The following BACE2 variants were observed in gnomAD, a reference collection of about 807,000 sequenced individuals.
BACE2 encodes 56 kDa aspartic-like protease.
In BACE2, 17 loss-of-function variants were observed where a neutral mutation model predicts 46.2. The observed-to-expected ratio is 0.37, with a 90% CI of 0.25 to 0.55. BACE2 has a LOEUF of 0.55. Ranked by LOEUF, BACE2 falls within the 20% of genes least tolerant of loss-of-function variation. The pLI is 0.82. For missense variants in BACE2, 595 were observed against 698.1 expected (o/e 0.85, Z 1.66); for synonymous variants, 277 against 295.9 (o/e 0.94, Z 0.66).
chr21:41,268,106 C>G (rs1015168671), intron 8 of BACE2, among the ~76,000 whole-genome samples: 3 of 152,212 alleles, frequency 2.0e-5, no homozygotes, highest in African/African-American at 4.8e-5. Flanking sequence ...CGGACACTTA[C>G]GTAGCACCGA....
rs192043916 is a variant in BACE2 at position 41,278,233 on chromosome 21, G to A, written c.*2609G>A. ...CAAGTCTGATGGGAAATGAATAGAT[G>A]CTGCTTTATTTCCTTGATAACTTCT... On this transcript the variant is annotated 3_prime_UTR_variant, in exon 9 of 9. Coordinates refer to ENST00000330333, the MANE Select transcript of BACE2 (RefSeq NM_012105.5). The A allele has an allele frequency of 1.3e-5, 2 of 152,332 alleles. No individual in the cohort carries two copies. The highest frequency in any genetic ancestry group is 4.8e-5 in the African/African-American group (2 of 41,574). 9.4% of individuals were successfully genotyped at this position (152,332 alleles called of 1,614,324 possible). A position where few individuals can be genotyped will look rare whatever the true frequency, so the allele number is the denominator to read the frequency against.
intron 1 of BACE2, among the ~76,000 whole-genome samples, chr21:41,204,337 G>A (rs939397509): frequency 6.6e-6 from 1 of 152,114 alleles, no homozygotes; most frequent in Non-Finnish European, 1.5e-5. Context: ...CACTGCGCCC[G>A]GCCAAGAGTT....
intron 2 of BACE2, among the ~76,000 whole-genome samples, chr21:41,236,116 A>G (rs1334244417): frequency 6.6e-6 from 1 of 152,252 alleles, no homozygotes; most frequent in Non-Finnish European, 1.5e-5. Flanking sequence ...GTTTGAGTTC[A>G]TAGACATTTG....
intron 8 of BACE2, among the ~76,000 whole-genome samples, chr21:41,268,035 A>G (rs1305719546): frequency 2.0e-5 from 3 of 152,228 alleles, no homozygotes; most frequent in Non-Finnish European, 4.4e-5. Context: ...GAGAAAATAC[A>G]CAATTAAAAT....
chr21:41,239,888 A>G (rs1568882029), intron 3 of BACE2, among the ~76,000 whole-genome samples: 1 of 152,234 alleles, frequency 6.6e-6, no homozygotes, highest in Non-Finnish European at 1.5e-5. Flanking sequence ...GAAATGAAAG[A>G]TGTATATGAC....
intron 8 of BACE2, 25 bp downstream of exon 8, chr21:41,257,351 G>A (rs1372318051): frequency 6.2e-7 from 1 of 1,609,442 alleles, no homozygotes. Context: ...CATCGAACAG[G>A]GATCCCCGAC....
At chr21:41,259,426 A>G (rs1987872152) in intron 8 of BACE2, among the ~76,000 whole-genome samples, 1 of 148,184 alleles carries the variant, frequency 6.7e-6, no homozygotes, top group African/African-American at 2.4e-5. Context: ...TAAATGGAAT[A>G]GCTATGCTGC....
intron 7 of BACE2, chr21:41,252,459 T>C (rs554581990): frequency 3.3e-5 from 5 of 152,330 alleles, no homozygotes; most frequent in East Asian, 1.9e-4. Flanking sequence ...ATTTGTGAGG[T>C]TGCACCTCCC....
rs1984469564 is a variant in BACE2, at chr21:41,168,588, G to T, written c.312+13G>T. On this transcript the variant is annotated intron_variant, in intron 1 of 8. Coordinates refer to ENST00000330333, the MANE Select transcript of BACE2 (RefSeq NM_012105.5). ...CCCCCCGCAGAAGGTAGGGACCCCCGGCTGCTGCCGCGGGCTTTTCGGGCT... is the reference window on the plus strand; with the variant it reads ...CCCCCCGCAGAAGGTAGGGACCCCCTGCTGCTGCCGCGGGCTTTTCGGGCT... The T allele has an allele frequency of 7.6e-7, 1 of 1,312,902 alleles. No homozygotes were observed. The highest frequency in any genetic ancestry group is 3.0e-5 in the South Asian group (1 of 33,522). 81.3% of individuals were successfully genotyped at this position (1,312,902 alleles called of 1,614,324 possible). A position where few individuals can be genotyped will look rare whatever the true frequency, so the allele number is the denominator to read the frequency against.
At chr21:41,257,106 GC>G (rs1211635383) in intron 7 of BACE2, 51 bp from the exon 8 acceptor site, 9 of 1,609,174 alleles carry the variant, frequency 5.6e-6, no homozygotes, top group Non-Finnish European at 7.6e-6. Flanking sequence ...TTGTGATACT[GC>G]CTGATTTGTG....
chr21:41,189,183 G>A (rs1368481992), intron 1 of BACE2, among the ~76,000 whole-genome samples: 2 of 145,720 alleles, frequency 1.4e-5, no homozygotes, highest in Admixed American at 1.3e-4. Flanking sequence ...ATGTGTCTTA[G>A]TCTGGATCTT....
At chr21:41,233,081 G>A (rs975304534) in intron 2 of BACE2, among the ~76,000 whole-genome samples, 2 of 152,050 alleles carry the variant, frequency 1.3e-5, no homozygotes, top group African/African-American at 4.8e-5. Flanking sequence ...TGTTAGCCAG[G>A]ATAGTCTCGA....
At chr21:41,265,173 C>CTTTTTTTTTTTTTTTTTTTTTCTTTTT in intron 8 of BACE2, among the ~76,000 whole-genome samples, 1 of 123,300 alleles carries the variant, frequency 8.1e-6, no homozygotes, top group African/African-American at 2.9e-5. Flanking sequence ...AAAGTCCTTC[C>CTTTTTTTTTTTTTTTTTTTTTCTTTTT]TTTTTTTTTT....
At position 41,277,690 on chromosome 21, in the gene BACE2, CG is replaced by C. The variant is rs1284631801; in HGVS notation, c.*2067del. On this transcript the variant is annotated 3_prime_UTR_variant, in exon 9 of 9. Coordinates refer to ENST00000330333, the MANE Select transcript of BACE2 (RefSeq NM_012105.5). ...TTCTTCATACAGGCATCTTCTGTTC[CG>C]TTGTATTGTGTTAGGTTTCAGAGGC... 2 of 152,154 alleles carry C rather than the reference CG, an allele frequency of 1.3e-5. No individual in the cohort carries two copies. The highest frequency in any genetic ancestry group is 2.9e-5 in the Non-Finnish European group (2 of 68,036). The allele number at this position is 152,154 out of a possible 1,614,324, so 9.4% of individuals were successfully genotyped here.
chr21:41,189,828 A>G (rs1233009152), intron 1 of BACE2, among the ~76,000 whole-genome samples: 2 of 152,204 alleles, frequency 1.3e-5, no homozygotes, highest in African/African-American at 4.8e-5. Flanking sequence ...GGAGTTTATT[A>G]AGTATTAACT....
chr21:41,254,699 C>T (rs1001754704), intron 7 of BACE2, among the ~76,000 whole-genome samples: 16 of 152,252 alleles, frequency 1.1e-4, no homozygotes, highest in Non-Finnish European at 1.5e-4. Context: ...TCCCCACATA[C>T]TCTTGGCTCC....
intron 4 of BACE2, among the ~76,000 whole-genome samples, chr21:41,242,592 TA>T (rs1460578163): frequency 1.3e-5 from 2 of 152,144 alleles, no homozygotes; most frequent in African/African-American, 4.8e-5. Context: ...TTTCATTTGC[TA>T]CCATTTCCAG....
intron 8 of BACE2, among the ~76,000 whole-genome samples, chr21:41,260,073 AC>A (rs11445761): frequency 1.4e-5 from 2 of 140,282 alleles, no homozygotes; most frequent in Non-Finnish European, 3.1e-5. Context: ...CAAGTGATTG[AC>A]CCCCCGGCCC....
intron 8 of BACE2, among the ~76,000 whole-genome samples, chr21:41,267,421 A>G (rs149724537): frequency 1.2e-3 from 177 of 152,356 alleles, no homozygotes; most frequent in African/African-American, 4.0e-3. Flanking sequence ...CTGTTATTTT[A>G]GTGTATCCAA....
Sources: allele counts gnomAD v4.1 joint callset (sites outside exome capture counted in the v4.1 genomes callset), GRCh38; gene constraint gnomAD v4.1.1; transcripts MANE v1.5; gene names NCBI Gene and HGNC (gene_info 2026-07-23, HGNC 2026-07-21).